Variants in SHROOM2 observed in about 807,000 individuals in gnomAD.
SHROOM2 encodes the protein protein Shroom2.
Under a neutral mutation model 75.9 loss-of-function variants are expected in SHROOM2, and 33 were observed. The observed-to-expected ratio is 0.43, with a 90% CI of 0.33 to 0.58. The LOEUF (loss-of-function observed/expected upper bound fraction) is 0.58, where lower values mean the gene tolerates loss of function less well. Among genes scored for constraint, SHROOM2 ranks in the 20% least tolerant of loss-of-function variants. The pLI is 0.04. For synonymous variants in SHROOM2, 655 were observed against 663.6 expected (o/e 0.99, Z 0.20); for missense variants, 1,434 against 1,461.2 (o/e 0.98, Z 0.30).
intron 2 of SHROOM2, among the ~76,000 whole-genome samples, chrX:9,886,306 G>A (rs1371928872): frequency 2.7e-5 from 3 of 112,150 alleles, no homozygotes; most frequent in Admixed American, 9.4e-5. Flanking sequence ...GCCCCTGTTC[G>A]GACTGTCCTA....
chrX:9,806,816 C>T (rs1000744634), intron 1 of SHROOM2, among the ~76,000 whole-genome samples: 9 of 109,922 alleles, frequency 8.2e-5, no homozygotes, highest in Admixed American at 1.9e-4. Flanking sequence ...CTCCACCTCC[C>T]GGGTTCAAGC....
rs765626122 is a variant in SHROOM2 at position 9,895,650 on chromosome X, C to T, written c.1742C>T (p.Pro581Leu). 3.7e-5 allele frequency: 43 copies of T among 1,165,577 alleles called. No individual in the cohort carries two copies. The East Asian group carries it at 6.7e-4, about 18-fold the overall frequency. ...GATGGGGAGAGCAGCAGGATCTGCC[C>T]GCAGGAGACGCCCCTGTTGCACTCC... The part of the protein sequence containing the change: ...WADGESSRIC[P>L]QETPLLHSLT... The change falls in exon 4 of 10, where the codon CCG becomes CTG. Residue 581 changes from proline (P) to leucine (L), a missense_variant. By Grantham distance (98) the Pro-to-Leu change is moderately conservative. Coordinates refer to ENST00000380913, the MANE Select transcript of SHROOM2 (RefSeq NM_001649.4).
At chrX:9,857,421 G>A (rs919503663) in intron 1 of SHROOM2, among the ~76,000 whole-genome samples, 13 of 106,384 alleles carry the variant, frequency 1.2e-4, no homozygotes, top group African/African-American at 4.6e-4. Flanking sequence ...ATCTTGCTCT[G>A]TCGCCCTGGC....
intron 1 of SHROOM2, among the ~76,000 whole-genome samples, chrX:9,788,035 A>G (rs1463208181): frequency 1.0e-5 from 1 of 97,488 alleles, no homozygotes; most frequent in Non-Finnish European, 2.0e-5. Context: ...CAGCCTCCTG[A>G]GTAGCTGGGA....
intron 1 of SHROOM2, among the ~76,000 whole-genome samples, chrX:9,848,420 C>T (rs1436912465): frequency 1.1e-5 from 1 of 90,362 alleles, no homozygotes; most frequent in Non-Finnish European, 2.1e-5. Flanking sequence ...AGGAGAATGG[C>T]GTGAACCCGG....
chrX:9,912,942 C>T (rs2084444232), intron 5 of SHROOM2: 1 of 112,197 alleles, frequency 8.9e-6, no homozygotes, highest in Non-Finnish European at 1.9e-5. Context: ...CTTTGGGATT[C>T]ACGGTTAGCT....
At chrX:9,916,481 G>C (rs1256959680) in intron 5 of SHROOM2, among the ~76,000 whole-genome samples, 1 of 111,649 alleles carries the variant, frequency 9.0e-6, no homozygotes, top group Non-Finnish European at 1.9e-5. Flanking sequence ...TAAAATTCTG[G>C]GCATGGAGTT....
chrX:9,900,858 C>G (rs982203430), intron 5 of SHROOM2, among the ~76,000 whole-genome samples: 1 of 110,333 alleles, frequency 9.1e-6, no homozygotes. Flanking sequence ...CCCCCACCCC[C>G]ACTGCCATCA....
chrX:9,890,063 A>G (rs1315181539), intron 2 of SHROOM2, among the ~76,000 whole-genome samples: 4 of 112,925 alleles, frequency 3.5e-5, no homozygotes, highest in Non-Finnish European at 5.6e-5. Context: ...TTATGGAGGA[A>G]CACATTTTAG....
At chrX:9,872,981 C>T (rs377147340) in intron 1 of SHROOM2, among the ~76,000 whole-genome samples, 5 of 112,458 alleles carry the variant, frequency 4.4e-5, no homozygotes, top group East Asian at 5.6e-4. Flanking sequence ...CATGCTACAA[C>T]GTAGATAAAC....
In SHROOM2 at chrX:9,939,276, G is replaced by A. The variant is rs750814468; in HGVS notation, c.4221G>A (p.Glu1407=). The change falls in exon 8 of 10, where the codon GAG becomes GAA. Residue 1407 remains glutamate, a synonymous_variant. Transcript: ENST00000380913. ...TYYSTSAPKA[E]LLIKMKDLQE... is the part of the protein sequence containing the mutation. ...ACAGCACGTCGGCCCCCAAGGCGGA[G>A]CTGCTGATCAAGATGAAGGACCTGC... The A allele has an allele frequency of 5.0e-6, 6 of 1,208,999 alleles. No homozygotes were observed. In the East Asian group the frequency reaches 1.8e-4, roughly 36 times the overall value.
intron 1 of SHROOM2, among the ~76,000 whole-genome samples, chrX:9,809,073 C>T (rs190553818): frequency 1.9e-5 from 2 of 107,958 alleles, no homozygotes; most frequent in Admixed American, 1.0e-4. Flanking sequence ...ATCCCACCCC[C>T]ACACTGATCT....
chrX:9,854,745 G>A lies in SHROOM2; in HGVS notation c.166-18907G>A, dbSNP rs147657463. On this transcript the variant is annotated intron_variant, in intron 1 of 9. Transcript: ENST00000380913. ...GAGAGCTTCTGCTGTAGTGGTGTGA[G>A]CAACACAGGATGGCCATATTTAAAT... Among the ~76,000 whole-genome samples the A allele has an allele frequency of 5.0e-3, 555 of 111,468 alleles. 1 individual carries two copies. Among genetic ancestry groups the A allele is most frequent in the South Asian group, 0.019 (51 of 2,665 alleles).
chrX:9,842,710 C>T (rs771534148), intron 1 of SHROOM2, among the ~76,000 whole-genome samples: 2 of 112,306 alleles, frequency 1.8e-5, no homozygotes, highest in East Asian at 2.8e-4. Flanking sequence ...GTTGTCTGGT[C>T]GTTTGAATTC....
chrX:9,853,528 G>A (rs1465390049), intron 1 of SHROOM2, among the ~76,000 whole-genome samples: 1 of 111,668 alleles, frequency 9.0e-6, no homozygotes, highest in Non-Finnish European at 1.9e-5. Context: ...TCCTGCTTCT[G>A]TGACTCCAGG....
chrX:9,822,239 C>T (rs762149002), intron 1 of SHROOM2, among the ~76,000 whole-genome samples: 1 of 111,483 alleles, frequency 9.0e-6, no homozygotes, highest in Non-Finnish European at 1.9e-5. Context: ...GGTGTTCCTC[C>T]AGGGCATGTA....
chrX:9,894,300 C>CT (rs1221423567), intron 3 of SHROOM2, 58 bp from the exon 4 acceptor site: 3 of 1,115,119 alleles, frequency 2.7e-6, no homozygotes, highest in Non-Finnish European at 3.6e-6. Flanking sequence ...CCGCCTTGCC[C>CT]TTTGCCATTG....
chrX:9,937,937 A>G (rs1412328719), intron 7 of SHROOM2, among the ~76,000 whole-genome samples: 2 of 111,902 alleles, frequency 1.8e-5, no homozygotes, highest in African/African-American at 6.5e-5. Context: ...GCCTGAGGCC[A>G]GCAGGATTTC....
At chrX:9,853,212 G>A (rs1464736721) in intron 1 of SHROOM2, among the ~76,000 whole-genome samples, 1 of 111,479 alleles carries the variant, frequency 9.0e-6, no homozygotes, top group Non-Finnish European at 1.9e-5. Context: ...CCAGGACTCC[G>A]GGAGAGGCGT....
Sources: allele counts gnomAD v4.1 joint callset (sites outside exome capture counted in the v4.1 genomes callset), GRCh38; gene constraint gnomAD v4.1.1; transcripts MANE v1.5; gene names NCBI Gene and HGNC (gene_info 2026-07-23, HGNC 2026-07-21).